FBXL7: variants seen among roughly 807,000 people sequenced by gnomAD.
The protein encoded by FBXL7 is F-box/LRR-repeat protein 7.
Under a neutral mutation model 38.3 loss-of-function variants are expected in FBXL7, and 12 were observed. That is an observed-to-expected ratio of 0.31 (90% CI 0.20 to 0.51). The LOEUF is 0.51. FBXL7 is among the 20% of genes least tolerant of loss of function. FBXL7 has a pLI of 0.98. For synonymous variants in FBXL7, 297 were observed against 300.9 expected, an observed-to-expected ratio of 0.99 and a Z score of 0.13; for missense variants, 567 against 676.4, an observed-to-expected ratio of 0.84 and a Z score of 1.79.
At chr5:15,611,837 G>T (rs1402081151) in intron 1 of FBXL7, among the ~76,000 whole-genome samples, 1 of 150,566 alleles carries the variant, frequency 6.6e-6, no homozygotes, top group Non-Finnish European at 1.5e-5. Flanking sequence ...AAAAAAAAAT[G>T]CTGGGTATGG....
At position 15,849,075 on chromosome 5, in the gene FBXL7, C is replaced by T. The variant is rs78837011; in HGVS notation, c.128-78815C>T. Among the ~76,000 whole-genome samples, 499 of 152,340 alleles carry T rather than the reference C, an allele frequency of 3.3e-3. 17 individuals carry two copies. The East Asian group carries it at 0.074, about 22-fold the overall frequency. Reference sequence around the variant, plus strand: ...TGCAGTTTCATGAACTCCACTGATACATGGTCTGTGCAGGTGATTCCTCCA... The same window carrying T: ...TGCAGTTTCATGAACTCCACTGATATATGGTCTGTGCAGGTGATTCCTCCA... On this transcript the variant is annotated intron_variant, in intron 2 of 3. Transcript: ENST00000504595.
intron 2 of FBXL7, among the ~76,000 whole-genome samples, chr5:15,808,615 C>A (rs1263648264): frequency 6.6e-6 from 1 of 152,170 alleles, no homozygotes; most frequent in African/African-American, 2.4e-5. Flanking sequence ...ACATAAAGAT[C>A]ACATTATAGC....
At chr5:15,787,104 C>T (rs917303291) in intron 2 of FBXL7, among the ~76,000 whole-genome samples, 4 of 152,140 alleles carry the variant, frequency 2.6e-5, no homozygotes, top group African/African-American at 7.2e-5. Context: ...TTCCCTAGAG[C>T]CTTCCCAGGG....
chr5:15,857,647 T>C (rs1231422230), intron 2 of FBXL7, among the ~76,000 whole-genome samples: 1 of 152,212 alleles, frequency 6.6e-6, no homozygotes, highest in African/African-American at 2.4e-5. Flanking sequence ...AAGATCAGGA[T>C]CAAAGATTTT....
chr5:15,648,288 A>T (rs536413115), intron 2 of FBXL7, among the ~76,000 whole-genome samples: 1 of 152,258 alleles, frequency 6.6e-6, no homozygotes, highest in East Asian at 1.9e-4. Flanking sequence ...CTCATTTTTA[A>T]TTTACATGTG....
intron 2 of FBXL7, among the ~76,000 whole-genome samples, chr5:15,680,398 T>C (rs982986271): frequency 6.6e-6 from 1 of 152,222 alleles, no homozygotes; most frequent in Non-Finnish European, 1.5e-5. Flanking sequence ...TGAATAACTA[T>C]ACTGGGCAGC....
At chr5:15,539,132 C>A (rs1038908478) in intron 1 of FBXL7, among the ~76,000 whole-genome samples, 1 of 152,170 alleles carries the variant, frequency 6.6e-6, no homozygotes, top group East Asian at 1.9e-4. Context: ...ATAGCTGAAG[C>A]ATCCTTCTCT....
At chr5:15,761,089 G>A (rs1208924851) in intron 2 of FBXL7, among the ~76,000 whole-genome samples, 1 of 152,158 alleles carries the variant, frequency 6.6e-6, no homozygotes, top group Non-Finnish European at 1.5e-5. Flanking sequence ...TTTTTATCCT[G>A]TTGTCTTGGG....
intron 2 of FBXL7, among the ~76,000 whole-genome samples, chr5:15,868,100 CT>C (rs1180056377): frequency 8.0e-6 from 1 of 124,888 alleles, no homozygotes; most frequent in Non-Finnish European, 1.6e-5. Context: ...AAGACTCCGT[CT>C]CAAAAAAAAA....
At chr5:15,801,129 G>C (rs1737553914) in intron 2 of FBXL7, among the ~76,000 whole-genome samples, 1 of 152,124 alleles carries the variant, frequency 6.6e-6, no homozygotes, top group South Asian at 2.1e-4. Context: ...GTGATCAAGG[G>C]TAATCTCCTT....
intron 2 of FBXL7, among the ~76,000 whole-genome samples, chr5:15,665,998 G>A (rs140861581): frequency 3.3e-5 from 5 of 152,144 alleles, no homozygotes; most frequent in African/African-American, 1.2e-4. Flanking sequence ...ATATAATCAG[G>A]ATCTAGAGGA....
At chr5:15,870,492 A>C (rs962776616) in intron 2 of FBXL7, among the ~76,000 whole-genome samples, 1 of 152,162 alleles carries the variant, frequency 6.6e-6, no homozygotes, top group African/African-American at 2.4e-5. Context: ...TACACCTGGA[A>C]GGAAGGAAAA....
intron 2 of FBXL7, among the ~76,000 whole-genome samples, chr5:15,629,804 G>C (rs1197847275): frequency 6.6e-6 from 1 of 152,116 alleles, no homozygotes; most frequent in Non-Finnish European, 1.5e-5. Flanking sequence ...TTTTATTCAA[G>C]ATTTTAAGAT....
At chr5:15,516,788 C>T (rs528479792) in intron 1 of FBXL7, among the ~76,000 whole-genome samples, 1 of 152,200 alleles carries the variant, frequency 6.6e-6, no homozygotes, top group Admixed American at 6.5e-5. Context: ...TTATAAGGAG[C>T]TCTTCCCCCT....
At chr5:15,756,270 A>G (rs927507428) in intron 2 of FBXL7, among the ~76,000 whole-genome samples, 1 of 152,210 alleles carries the variant, frequency 6.6e-6, no homozygotes, top group Non-Finnish European at 1.5e-5. Context: ...GATATTTAAC[A>G]ATTCCTTATA....
chr5:15,721,880 G>A (rs1465543933), intron 2 of FBXL7, among the ~76,000 whole-genome samples: 1 of 152,028 alleles, frequency 6.6e-6, no homozygotes, highest in Non-Finnish European at 1.5e-5. Context: ...TGTCGCCCAG[G>A]CTAGAGTGCA....
At chr5:15,668,073 C>T (rs1580446380) in intron 2 of FBXL7, among the ~76,000 whole-genome samples, 1 of 152,298 alleles carries the variant, frequency 6.6e-6, no homozygotes, top group Non-Finnish European at 1.5e-5. Flanking sequence ...CAATTGCCAA[C>T]ACCTTGCCAC....
chr5:15,539,663 G>A (rs1379052752), intron 1 of FBXL7, among the ~76,000 whole-genome samples: 1 of 151,930 alleles, frequency 6.6e-6, no homozygotes, highest in Admixed American at 6.6e-5. Flanking sequence ...TCACACTGCT[G>A]GGTCCCTCCT....
intron 2 of FBXL7, among the ~76,000 whole-genome samples, chr5:15,708,676 T>C (rs575806044): frequency 2.6e-4 from 40 of 152,194 alleles, no homozygotes; most frequent in Non-Finnish European, 5.4e-4. Context: ...TTTTTTTTGA[T>C]TTTTCATTTA....
Sources: gnomAD v4.1 joint callset for allele counts (sites outside exome capture counted in the v4.1 genomes callset) on GRCh38, gnomAD v4.1.1 for gene constraint, MANE v1.5 for transcripts, NCBI Gene and HGNC (gene_info 2026-07-23, HGNC 2026-07-21) for gene names.